Variants in FAF2 observed in about 807,000 individuals in gnomAD.
The protein encoded by FAF2 is Fas associated factor family member 2.
Under a neutral mutation model 62.3 loss-of-function variants are expected in FAF2, and 9 were observed. The observed-to-expected ratio is 0.14, with a 90% CI of 0.09 to 0.25. The LOEUF (loss-of-function observed/expected upper bound fraction) is 0.25, where lower values mean the gene tolerates loss of function less well. FAF2 is among the 10% of genes least tolerant of loss of function. The pLI, the probability that FAF2 is intolerant of heterozygous loss-of-function variation, is 1.00. For synonymous variants in FAF2, 202 were observed against 198.0 expected, an observed-to-expected ratio of 1.02 and a Z score of -0.17; for missense variants, 368 against 556.2, an observed-to-expected ratio of 0.66 and a Z score of 3.40.
chr5:176,489,848 C>T (rs1374163231), intron 4 of FAF2, among the ~76,000 whole-genome samples: 1 of 152,166 alleles, frequency 6.6e-6, no homozygotes, highest in Non-Finnish European at 1.5e-5. Flanking sequence ...TGCCTGGCAG[C>T]TTCGGTACCT....
chr5:176,468,197 C>A (rs1197227594), intron 1 of FAF2, among the ~76,000 whole-genome samples: 1 of 152,096 alleles, frequency 6.6e-6, no homozygotes, highest in African/African-American at 2.4e-5. Flanking sequence ...GAGATATAAA[C>A]AAAAGTTGAT....
At chr5:176,486,537 T>C (rs761801221) in intron 3 of FAF2, 48 bp downstream of exon 3, 6 of 1,594,728 alleles carry the variant, frequency 3.8e-6, no homozygotes, top group Non-Finnish European at 4.3e-6. Context: ...TTTATAAGTA[T>C]ATCCACTTGG....
intron 1 of FAF2, among the ~76,000 whole-genome samples, chr5:176,473,400 CT>C (rs1758607180): frequency 6.6e-6 from 1 of 152,160 alleles, no homozygotes; most frequent in South Asian, 2.1e-4. Flanking sequence ...ACGATTTTCA[CT>C]ACATCAAATC....
intron 8 of FAF2, among the ~76,000 whole-genome samples, chr5:176,497,492 A>G (rs1043759402): frequency 3.9e-5 from 6 of 152,236 alleles, no homozygotes; most frequent in African/African-American, 1.4e-4. Context: ...TTATGTAAGA[A>G]TATATCACGG....
chr5:176,485,035 C>A (rs939887277), intron 2 of FAF2, among the ~76,000 whole-genome samples: 21 of 152,302 alleles, frequency 1.4e-4, no homozygotes, highest in African/African-American at 4.8e-4. Flanking sequence ...GGTCACACTT[C>A]TGCAAAAATT....
rs909881905 is a variant in FAF2 at position 176,509,499 on chromosome 5, A to G, written c.*2549A>G. On this transcript the variant is annotated 3_prime_UTR_variant, in exon 11 of 11. Coordinates refer to ENST00000261942, the MANE Select transcript of FAF2 (RefSeq NM_014613.3). ...GTTTTGTTCTGCACTCCCACGACTG[A>G]AGTTGTAGATTGAGCTGAATAACCA... is the stretch of plus-strand genomic sequence containing the variant. 2.6e-5 allele frequency: 4 copies of G among 152,428 alleles called. No individual in the cohort carries two copies. Among genetic ancestry groups the G allele is most frequent in the African/African-American group, 9.7e-5 (4 of 41,450 alleles). 9.4% of individuals were successfully genotyped at this position (152,428 alleles called of 1,614,324 possible). A position where few individuals can be genotyped will look rare whatever the true frequency, so the allele number is the denominator to read the frequency against.
chr5:176,467,361 G>A (rs752256698), intron 1 of FAF2, among the ~76,000 whole-genome samples: 4 of 151,096 alleles, frequency 2.6e-5, no homozygotes, highest in African/African-American at 7.3e-5. Flanking sequence ...AGTCAGTGTC[G>A]CCCTTTTTGC....
At chr5:176,496,381 C>A in intron 7 of FAF2, 105 bp from the exon 8 acceptor site, 2 of 895,358 alleles carry the variant, frequency 2.2e-6, no homozygotes, top group South Asian at 6.0e-5. Context: ...CTCGTCTTCC[C>A]CAACCAGGAT....
intron 10 of FAF2, among the ~76,000 whole-genome samples, chr5:176,502,318 C>T (rs1020709007): frequency 6.6e-6 from 1 of 152,242 alleles, no homozygotes. Flanking sequence ...TTGTGGCTCA[C>T]GCCTATAATC....
chr5:176,460,510 C>CTG (rs1554131465), intron 1 of FAF2, among the ~76,000 whole-genome samples: 1 of 99,074 alleles, frequency 1.0e-5, no homozygotes, highest in Admixed American at 1.1e-4. Context: ...CTATTTTTGG[C>CTG]CGCGTGTGTG....
intron 1 of FAF2, among the ~76,000 whole-genome samples, chr5:176,467,211 A>G (rs1310237183): frequency 6.8e-6 from 1 of 146,524 alleles, no homozygotes; most frequent in Admixed American, 7.1e-5. Context: ...ATGACATTAG[A>G]CACTCGGCCC....
At chr5:176,477,090 G>A (rs1380375721) in intron 1 of FAF2, among the ~76,000 whole-genome samples, 4 of 148,514 alleles carry the variant, frequency 2.7e-5, no homozygotes, top group Non-Finnish European at 4.5e-5. Context: ...TTACAGGCGT[G>A]AGCCACCGTG....
chr5:176,472,292 G>A (rs938268987), intron 1 of FAF2, among the ~76,000 whole-genome samples: 9 of 151,978 alleles, frequency 5.9e-5, no homozygotes, highest in Middle Eastern at 6.8e-3. Flanking sequence ...GATCACAGGC[G>A]CACACCACCG....
chr5:176,505,740 G>A (rs571556985), intron 10 of FAF2, among the ~76,000 whole-genome samples: 29 of 152,140 alleles, frequency 1.9e-4, no homozygotes, highest in Non-Finnish European at 2.2e-4. Flanking sequence ...TACTTACTTC[G>A]CTTAGAATAA....
At chr5:176,453,316 A>T (rs745636140) in intron 1 of FAF2, 8 of 152,180 alleles carry the variant, frequency 5.3e-5, no homozygotes, top group Non-Finnish European at 7.3e-5. Flanking sequence ...TACTGCCTCT[A>T]GGTTGCTGTT....
rs751775026 is a variant in FAF2 at position 176,458,408 on chromosome 5, C to CTTTTTTTTTTTT, written c.63+9946_63+9957dup. Among the ~76,000 whole-genome samples, 114 of 86,380 alleles carry CTTTTTTTTTTTT rather than the reference C, an allele frequency of 1.3e-3. 8 individuals are homozygous for CTTTTTTTTTTTT. Among genetic ancestry groups the CTTTTTTTTTTTT allele is most frequent in the African/African-American group, 2.7e-3 (60 of 22,294 alleles). 56.7% of individuals were successfully genotyped at this position (86,380 alleles called of 152,430 possible). On this transcript the variant is annotated intron_variant, in intron 1 of 10. Coordinates refer to ENST00000261942, the MANE Select transcript of FAF2 (RefSeq NM_014613.3). The stretch of plus-strand genomic sequence containing the variant: ...CAGAATAATATTTTTCTTTTTCTTC[C>CTTTTTTTTTTTT]TTTTTTTTTTTTTTTTTTTGAGACG...
chr5:176,483,174 A>G (rs1758811776), intron 2 of FAF2, among the ~76,000 whole-genome samples: 1 of 152,106 alleles, frequency 6.6e-6, no homozygotes, highest in African/African-American at 2.4e-5. Flanking sequence ...TTCCTGCCTC[A>G]GCCTCCCTGA....
chr5:176,469,063 G>A (rs907992761), intron 1 of FAF2, among the ~76,000 whole-genome samples: 37 of 151,872 alleles, frequency 2.4e-4, no homozygotes, highest in Non-Finnish European at 7.4e-5. Context: ...TGGCCAACAT[G>A]GTGAAACCCT....
intron 5 of FAF2, 58 bp from the exon 6 acceptor site, chr5:176,493,941 T>C: frequency 8.2e-7 from 1 of 1,223,814 alleles, no homozygotes. Flanking sequence ...ACCCTTAGCT[T>C]AAATATAAGC....
Sources: gnomAD v4.1 joint callset for allele counts (sites outside exome capture counted in the v4.1 genomes callset) on GRCh38, gnomAD v4.1.1 for gene constraint, MANE v1.5 for transcripts, NCBI Gene and HGNC (gene_info 2026-07-23, HGNC 2026-07-21) for gene names.